SYNRG: variants seen among roughly 807,000 people sequenced by gnomAD.
SYNRG encodes synergin gamma.
SYNRG carries 37 observed loss-of-function variants against 130.9 expected under a neutral mutation model. That is an observed-to-expected ratio of 0.28 (90% CI 0.22 to 0.37). The LOEUF (loss-of-function observed/expected upper bound fraction) is 0.37. SYNRG is among the 10% of genes least tolerant of loss of function. The pLI is 1.00. For synonymous variants in SYNRG, 539 were observed against 568.1 expected (o/e 0.95, Z 0.73); for missense variants, 1,338 against 1,588.9 (o/e 0.84, Z 2.68).
At chr17:37,524,395 A>G (rs528283469) in intron 19 of SYNRG, among the ~76,000 whole-genome samples, 1 of 152,348 alleles carries the variant, frequency 6.6e-6, no homozygotes, top group African/African-American at 2.4e-5. Flanking sequence ...ATAAACCATG[A>G]ACTAGCTCCA....
rs1417451099 is a variant in SYNRG, at chr17:37,517,949, CTTCT to C, written c.*987_*990del. On this transcript the variant is annotated 3_prime_UTR_variant, in exon 22 of 22. Coordinates refer to ENST00000612223, the MANE Select transcript of SYNRG (RefSeq NM_007247.6). ...GTTTCTGGACAATTTTCTTCTACTT[CTTCT>C]AAGTCATGTATCTATCCCATAAATA... The C allele has an allele frequency of 6.6e-6, 1 of 152,208 alleles. No homozygotes were observed. The highest frequency in any genetic ancestry group is 2.4e-5 in the African/African-American group (1 of 41,460). 9.4% of individuals were successfully genotyped at this position (152,208 alleles called of 1,614,324 possible).
intron 6 of SYNRG, among the ~76,000 whole-genome samples, chr17:37,578,003 C>T (rs940551907): frequency 3.3e-5 from 5 of 151,696 alleles, no homozygotes; most frequent in Admixed American, 2.6e-4. Context: ...CCCAGCTCAC[C>T]CCCATATTCT....
chr17:37,528,451 C>T (rs1036557313), intron 19 of SYNRG, among the ~76,000 whole-genome samples: 4 of 152,000 alleles, frequency 2.6e-5, no homozygotes, highest in Non-Finnish European at 5.9e-5. Context: ...TAAATGGTAA[C>T]CAGTAGTAGT....
intron 11 of SYNRG, among the ~76,000 whole-genome samples, chr17:37,565,901 C>T (rs1333578010): frequency 2.7e-5 from 4 of 147,280 alleles, no homozygotes; most frequent in East Asian, 2.0e-4. Flanking sequence ...CCACCCCGTC[C>T]GGGAGGGAGG....
At position 37,570,090 on chromosome 17, in the gene SYNRG, G is replaced by A. The variant is rs566146149; in HGVS notation, c.1347+547C>T. On this transcript the variant is annotated intron_variant, in intron 10 of 21. Transcript: ENST00000612223. ...TGCTAATTCGAGTTACTATTCTTGG[G>A]ATAGATTTCTAATAATGTGACTACT... Among the ~76,000 whole-genome samples, 14 of 150,154 alleles carry A rather than the reference G, an allele frequency of 9.3e-5. No individual in the cohort carries two copies. The South Asian group carries it at 1.1e-3, about 11-fold the overall frequency.
At chr17:37,599,715 C>A (rs1233253024) in intron 2 of SYNRG, among the ~76,000 whole-genome samples, 1 of 152,106 alleles carries the variant, frequency 6.6e-6, no homozygotes, top group Non-Finnish European at 1.5e-5. Flanking sequence ...GAGCAAGAGA[C>A]TCCATCTCAA....
chr17:37,538,531 A>C, intron 17 of SYNRG, 111 bp from the exon 18 acceptor site: 1 of 676,190 alleles, frequency 1.5e-6, no homozygotes, highest in Non-Finnish European at 2.6e-6. Context: ...AAAAAATCTC[A>C]TTTTATCCTT....
intron 11 of SYNRG, among the ~76,000 whole-genome samples, chr17:37,563,839 C>T (rs1168627832): frequency 6.6e-6 from 1 of 151,560 alleles, no homozygotes; most frequent in Non-Finnish European, 1.5e-5. Flanking sequence ...CCCAGCCTTC[C>T]CCGCCAGCTT....
rs763865940 is a variant in SYNRG, at chr17:37,576,365, T to C, written c.877A>G (p.Ile293Val). The change falls in exon 8 of 22, where the codon ATT (isoleucine) becomes GTT (valine). Residue 293 changes from isoleucine to valine, a missense_variant. Transcript: ENST00000612223. ...DPAQPRMPPW[I>V]YNESLVPDAY... ...CCTGGAACCAAACTCTCATTGTAAA[T>C]CCAAGGAGGCATTCTGGGCTGAGCA... 1 of 1,613,756 alleles carries C rather than the reference T, an allele frequency of 6.2e-7. No individual in the cohort carries two copies. Among genetic ancestry groups the C allele is most frequent in the Admixed American group, 1.7e-5 (1 of 59,994 alleles).
intron 1 of SYNRG, among the ~76,000 whole-genome samples, chr17:37,601,751 G>A (rs1306594301): frequency 6.6e-6 from 1 of 151,890 alleles, no homozygotes; most frequent in East Asian, 2.0e-4. Context: ...TGCAACCTCC[G>A]CCTGCCAGGC....
chr17:37,588,560 G>A (rs1159086760), intron 3 of SYNRG, among the ~76,000 whole-genome samples: 2 of 152,188 alleles, frequency 1.3e-5, no homozygotes, highest in Non-Finnish European at 2.9e-5. Flanking sequence ...ACCACGCCCA[G>A]CCAGCTTGGA....
rs2064195420 is a variant in SYNRG at position 37,609,358 on chromosome 17, T to G, written c.-3A>C. 6.9e-7 allele frequency: 1 copy of G among 1,441,002 alleles called. No homozygotes were observed. The highest frequency in any genetic ancestry group is 2.9e-5 in the Admixed American group (1 of 34,714). The allele number at this position is 1,441,002 out of a possible 1,614,324, so 89.3% of individuals were successfully genotyped here. ...CCAGCTCCTGGCCGCAGCGCCATCT[T>G]GCTCCCGACCTGCCGCTGCCTTCGC... On this transcript the variant is annotated 5_prime_UTR_variant, in exon 1 of 22. Transcript: ENST00000612223.
chr17:37,580,510 T>TGTGTGTGAGA (rs1384344164), intron 6 of SYNRG, among the ~76,000 whole-genome samples: 1,804 of 127,640 alleles, frequency 0.014, 56 homozygotes, highest in African/African-American at 0.063. Flanking sequence ...TGTGTGTGTG[T>TGTGTGTGAGA]GAGAGAGAGA....
At chr17:37,573,808 T>C (rs1661772965) in intron 8 of SYNRG, among the ~76,000 whole-genome samples, 1 of 152,170 alleles carries the variant, frequency 6.6e-6, no homozygotes, top group African/African-American at 2.4e-5. Flanking sequence ...TGTTAAAATG[T>C]CCATAGTACC....
intron 1 of SYNRG, 101 bp from the exon 2 acceptor site, chr17:37,600,504 T>A (rs1229259162): frequency 8.6e-7 from 1 of 1,157,078 alleles, no homozygotes; most frequent in Non-Finnish European, 1.3e-6. Context: ...AGATGGGACC[T>A]GGTGTTTGTT....
Position 37,561,223 on chromosome 17 carries a change from A to G in SYNRG, c.1635T>C (p.Leu545=). The change falls in exon 13 of 22, where the codon CTT becomes CTC. Residue 545 remains leucine (L), a synonymous_variant. Transcript: ENST00000612223. ...PGDKYSAFRE[L]EQTAENKPLG... ...AAGGTTTATTCTCTGCTGTCTGTTC[A>G]AGTTCTCTGAAAGCACTATATTTAT... 6.2e-7 allele frequency: 1 copy of G among 1,613,880 alleles called. No individual in the cohort carries two copies. The highest frequency in any genetic ancestry group is 8.5e-7 in the Non-Finnish European group (1 of 1,179,932).
At chr17:37,578,035 T>A (rs1208074469) in intron 6 of SYNRG, among the ~76,000 whole-genome samples, 1 of 151,694 alleles carries the variant, frequency 6.6e-6, no homozygotes, top group Non-Finnish European at 1.5e-5. Flanking sequence ...CTGCCACGTA[T>A]AATGTAAACA....
At chr17:37,567,303 G>A (rs1039593218) in intron 11 of SYNRG, 1 of 152,188 alleles carries the variant, frequency 6.6e-6, no homozygotes, top group Non-Finnish European at 1.5e-5. Context: ...TAAATAGCAT[G>A]CTTTTAATTT....
chr17:37,587,814 T>C (rs965019861), intron 3 of SYNRG, among the ~76,000 whole-genome samples: 3 of 152,210 alleles, frequency 2.0e-5, no homozygotes, highest in African/African-American at 7.2e-5. Context: ...TCCCATTCCA[T>C]GGTAATACCC....
Sources: gnomAD v4.1 joint callset for allele counts (sites outside exome capture counted in the v4.1 genomes callset) on GRCh38, gnomAD v4.1.1 for gene constraint, MANE v1.5 for transcripts, NCBI Gene and HGNC (gene_info 2026-07-23, HGNC 2026-07-21) for gene names.